Variants in PLEKHH2 observed in about 807,000 individuals in gnomAD.
The protein encoded by PLEKHH2 is pleckstrin homology, MyTH4 and FERM domain containing H2.
In PLEKHH2, 129 loss-of-function variants were observed where a neutral mutation model predicts 187.9. The observed-to-expected ratio is 0.69, with a 90% CI of 0.59 to 0.79. The LOEUF is 0.79. Ranked by LOEUF, PLEKHH2 falls within the 30% of genes least tolerant of loss-of-function variation. The probability of loss-of-function intolerance (pLI) is 0.00; values close to 1 mark genes in which losing one functional copy is unlikely to be tolerated. For synonymous variants in PLEKHH2, 686 were observed against 605.6 expected (o/e 1.13, Z -1.95); for missense variants, 2,076 against 1,751.2 (o/e 1.19, Z -3.31).
chr2:43,741,054 T>TCTGA lies in PLEKHH2; in HGVS notation c.3221+11_3221+12insCTGA, dbSNP rs759325470. ...GAATGCAGATTCCAGGTGTGCAGAA[T>TCTGA]ACTAGCCAGCTGAACTGTTTATGTG... On this transcript the variant is annotated intron_variant, in intron 21 of 29. Transcript: ENST00000282406. 3 of 1,599,132 alleles carry TCTGA rather than the reference T, an allele frequency of 1.9e-6. No individual in the cohort carries two copies. The highest frequency in any genetic ancestry group is 2.6e-6 in the Non-Finnish European group (3 of 1,166,886).
chr2:43,669,114 C>A (rs1667374502), intron 2 of PLEKHH2, among the ~76,000 whole-genome samples: 1 of 152,154 alleles, frequency 6.6e-6, no homozygotes, highest in Non-Finnish European at 1.5e-5. Flanking sequence ...CCTACTTGGG[C>A]AAAGTTGAAG....
chr2:43,676,137 C>T, intron 2 of PLEKHH2: 1 of 1,614,016 alleles, frequency 6.2e-7, no homozygotes, highest in Non-Finnish European at 8.5e-7. Flanking sequence ...TACTGAGCTC[C>T]AAGAGTATCA....
chr2:43,677,474 G>C (rs946276457), intron 2 of PLEKHH2, among the ~76,000 whole-genome samples: 6 of 152,050 alleles, frequency 3.9e-5, no homozygotes, highest in African/African-American at 1.5e-4. Context: ...ATTTAACCCT[G>C]AGTGGACACA....
rs1419650545 is a variant in PLEKHH2, at chr2:43,681,449, T to TTCTTCC, written c.186+2534_186+2539dup. On this transcript the variant is annotated intron_variant, in intron 3 of 29. Coordinates refer to ENST00000282406, the MANE Select transcript of PLEKHH2 (RefSeq NM_172069.4). ...GAATGAGTTCCTTGTCAAAATAATCTTCTTCCTCTTCCTCTCCTTTTCCAT... is the reference window on the plus strand; with the variant it reads ...GAATGAGTTCCTTGTCAAAATAATCTTCTTCCTCTTCCTCTTCCTCTCCTTTTCCAT... The TTCTTCC allele has an allele frequency of 3.2e-6, 5 of 1,545,988 alleles. No individual in the cohort carries two copies. In the African/African-American group the frequency reaches 6.9e-5, roughly 21 times the overall value.
chr2:43,678,737 A>AG (rs1558470842), intron 2 of PLEKHH2, 126 bp from the exon 3 acceptor site: 405 of 412,358 alleles, frequency 9.8e-4, no homozygotes, highest in Non-Finnish European at 1.4e-3. Context: ...TAGAGGTGGA[A>AG]GTGGAGGTGG....
chr2:43,763,395 C>T (rs540302668), intron 28 of PLEKHH2, among the ~76,000 whole-genome samples: 127 of 151,838 alleles, frequency 8.4e-4, no homozygotes, highest in African/African-American at 2.8e-3. Flanking sequence ...ATATTAGTTA[C>T]ATTTTATTTT....
Position 43,742,883 on chromosome 2 carries a change from A to G in PLEKHH2, c.3364A>G (p.Ser1122Gly). The G allele has an allele frequency of 6.2e-7, 1 of 1,600,756 alleles. No homozygotes were observed. The highest frequency in any genetic ancestry group is 8.5e-7 in the Non-Finnish European group (1 of 1,175,126). ...RNPYHHSLPFSIPVHFMNGIY... is the reference protein window; with the variant it reads ...RNPYHHSLPFGIPVHFMNGIY... ...CCCTTATCACCATTCTTTGCCCTTT[A>G]GTATACCTGTGCACTTCATGAATGG... is the stretch of plus-strand genomic sequence containing the variant. Residue 1122 changes from serine (S) to glycine (G), a missense_variant, in exon 22 of 30, where the codon AGT becomes GGT. Transcript: ENST00000282406.
intron 25 of PLEKHH2, among the ~76,000 whole-genome samples, chr2:43,756,585 A>T (rs1192495622): frequency 6.6e-6 from 1 of 152,236 alleles, no homozygotes; most frequent in Non-Finnish European, 1.5e-5. Context: ...CTAGATGGTG[A>T]TAGTAAACTA....
At chr2:43,690,010 T>G (rs1269019171) in intron 3 of PLEKHH2, among the ~76,000 whole-genome samples, 1 of 152,228 alleles carries the variant, frequency 6.6e-6, no homozygotes, top group East Asian at 1.9e-4. Flanking sequence ...TTTTTATTCT[T>G]ACTCAGTTAC....
chr2:43,660,145 G>C (rs1334920044), intron 2 of PLEKHH2, among the ~76,000 whole-genome samples: 1 of 152,118 alleles, frequency 6.6e-6, no homozygotes, highest in Non-Finnish European at 1.5e-5. Flanking sequence ...AAAGTGTATA[G>C]TTTTTAGTGA....
chr2:43,757,703 C>T (rs1672272019), intron 26 of PLEKHH2, among the ~76,000 whole-genome samples: 1 of 152,096 alleles, frequency 6.6e-6, no homozygotes, highest in Non-Finnish European at 1.5e-5. Context: ...GAGGCGTGAG[C>T]CACTGTGCCC....
intron 1 of PLEKHH2, among the ~76,000 whole-genome samples, chr2:43,638,743 G>A (rs79215438): frequency 0.035 from 5,392 of 152,156 alleles, 120 homozygotes; most frequent in South Asian, 0.063. Context: ...AAAGGATGGC[G>A]GATATTGTTT....
At position 43,764,359 on chromosome 2, in the gene PLEKHH2, A is replaced by T. The variant is rs1047664110; in HGVS notation, c.4290A>T (p.Lys1430Asn). ...PTEKLLFAMA[K>N]PKILEITLLI... ...AGAAATTACTTTTTGCCATGGCAAA[A>T]CCCAAGGTGAGTAGAAGCCTTTCTG... is the stretch of plus-strand genomic sequence containing the variant. The change falls in exon 29 of 30, where the codon AAA becomes AAT. Residue 1430 changes from lysine (K) to asparagine (N), a missense_variant. Physicochemically the swap from Lys to Asn is moderately conservative, Grantham distance 94. Transcript: ENST00000282406. 5.0e-6 allele frequency: 8 copies of T among 1,612,668 alleles called. No individual in the cohort carries two copies. The highest frequency in any genetic ancestry group is 1.6e-4 in the Middle Eastern group (1 of 6,074).
chr2:43,758,000 CTCAATTTGGAGTT>C (rs1672284135), intron 26 of PLEKHH2, among the ~76,000 whole-genome samples: 1 of 151,962 alleles, frequency 6.6e-6, no homozygotes, highest in African/African-American at 2.4e-5. Context: ...TCTAATTTAC[CTCAATTTGGAGTT>C]TCAATTTCAG....
At chr2:43,647,504 C>G (rs943623208) in intron 2 of PLEKHH2, among the ~76,000 whole-genome samples, 5 of 152,172 alleles carry the variant, frequency 3.3e-5, no homozygotes, top group African/African-American at 1.2e-4. Context: ...ATTCTGTCCT[C>G]TATTCAGCCA....
At chr2:43,743,515 A>G (rs1671658178) in intron 22 of PLEKHH2, among the ~76,000 whole-genome samples, 1 of 152,224 alleles carries the variant, frequency 6.6e-6, no homozygotes, top group African/African-American at 2.4e-5. Context: ...TAAAGATTGC[A>G]TATTGTACTA....
At chr2:43,667,927 G>A (rs1214934936) in intron 2 of PLEKHH2, among the ~76,000 whole-genome samples, 3 of 152,194 alleles carry the variant, frequency 2.0e-5, no homozygotes, top group African/African-American at 7.2e-5. Flanking sequence ...CTTTAAAGTG[G>A]TTAATTTTGT....
At chr2:43,703,916 CTTTTTTTTT>C (rs10530805) in intron 8 of PLEKHH2, 56 bp from the exon 9 acceptor site, 3,704 of 384,662 alleles carry the variant, frequency 9.6e-3, no homozygotes, top group Non-Finnish European at 0.011. Context: ...TGAAAGTAGT[CTTTTTTTTT>C]TTTTTTTTTT....
intron 18 of PLEKHH2, 44 bp downstream of exon 18, chr2:43,729,789 T>G: frequency 7.3e-7 from 1 of 1,377,398 alleles, no homozygotes; most frequent in South Asian, 1.4e-5. Context: ...GTTAATGAAA[T>G]GGACCTCAAC....
Sources: gnomAD v4.1 joint callset for allele counts (sites outside exome capture counted in the v4.1 genomes callset) on GRCh38, gnomAD v4.1.1 for gene constraint, MANE v1.5 for transcripts, NCBI Gene and HGNC (gene_info 2026-07-23, HGNC 2026-07-21) for gene names.